DACH1: variants seen among roughly 807,000 people sequenced by gnomAD.
DACH1 encodes dachshund family transcription factor 1.
In DACH1, 12 loss-of-function variants were observed where a neutral mutation model predicts 54.2. The observed-to-expected ratio is 0.22, with a 90% CI of 0.14 to 0.36. DACH1 has a LOEUF of 0.36. Ranked by LOEUF, DACH1 falls within the 10% of genes least tolerant of loss-of-function variation. DACH1 has a pLI of 1.00. For missense variants in DACH1, 805 were observed against 929.8 expected (o/e 0.87, Z 1.75); for synonymous variants, 386 against 366.2 (o/e 1.05, Z -0.62).
intron 1 of DACH1, among the ~76,000 whole-genome samples, chr13:71,830,433 T>C (rs922824961): frequency 1.3e-5 from 2 of 151,880 alleles, no homozygotes; most frequent in African/African-American, 4.8e-5. Flanking sequence ...ATATTGATCA[T>C]TTCCAGTTTC....
intron 3 of DACH1, among the ~76,000 whole-genome samples, chr13:71,622,849 T>C (rs2150484): frequency 0.15 from 22,019 of 151,748 alleles, 3,697 homozygotes; most frequent in African/African-American, 0.4. Flanking sequence ...AGGTTTACTC[T>C]ATTATCTAGT....
chr13:71,465,664 A>G lies in DACH1; in HGVS notation c.2083+9477T>C, dbSNP rs578092799. Reference sequence around the variant, plus strand: ...TGAACCATCATTTTTTTCACTTGATAATAAAGGTTAAAAAAACTCAAAGCA... The same window carrying G: ...TGAACCATCATTTTTTTCACTTGATGATAAAGGTTAAAAAAACTCAAAGCA... On this transcript the variant is annotated intron_variant, in intron 10 of 10. Transcript: ENST00000613252. Among the ~76,000 whole-genome samples, 347 of 152,256 alleles carry G rather than the reference A, an allele frequency of 2.3e-3. 2 individuals carry two copies. The highest frequency in any genetic ancestry group is 3.4e-3 in the Non-Finnish European group (233 of 67,968).
chr13:71,655,579 C>T lies in DACH1; in HGVS notation c.965-24862G>A, dbSNP rs113553321. ...AGAGACAGGGTTTCTCCATGTTGGT[C>T]AGGCTGGTCTCGAACTCCCGACCTC... On this transcript the variant is annotated intron_variant, in intron 2 of 10. Coordinates refer to ENST00000613252, the MANE Select transcript of DACH1 (RefSeq NM_080759.6). 2.1e-4 allele frequency among the ~76,000 whole-genome samples: 32 copies of T among 152,088 alleles called. 1 individual carries two copies. Among genetic ancestry groups the T allele is most frequent in the African/African-American group, 7.5e-4 (31 of 41,502 alleles).
intron 6 of DACH1, among the ~76,000 whole-genome samples, chr13:71,528,329 A>G (rs1403018906): frequency 6.6e-6 from 1 of 152,126 alleles, no homozygotes; most frequent in Non-Finnish European, 1.5e-5. Context: ...TCACCTATTT[A>G]CAGGTTAATT....
chr13:71,579,408 C>T (rs568848476), intron 3 of DACH1, among the ~76,000 whole-genome samples: 16 of 152,124 alleles, frequency 1.1e-4, no homozygotes, highest in South Asian at 6.2e-4. Context: ...TTCTTTACTA[C>T]GGCCAATGAT....
intron 6 of DACH1, among the ~76,000 whole-genome samples, chr13:71,513,631 T>C (rs988892782): frequency 7.9e-5 from 12 of 152,186 alleles, no homozygotes; most frequent in African/African-American, 2.6e-4. Context: ...CTCTTTGCCA[T>C]TTCAAAGTAA....
intron 2 of DACH1, among the ~76,000 whole-genome samples, chr13:71,651,656 A>ATGTATC (rs57754864): frequency 1.5e-3 from 217 of 147,034 alleles, no homozygotes; most frequent in African/African-American, 4.6e-3. Flanking sequence ...ATGCATGTAT[A>ATGTATC]TGTATCTGTA....
chr13:71,569,210 T>A (rs1885059262), intron 4 of DACH1, among the ~76,000 whole-genome samples: 1 of 152,076 alleles, frequency 6.6e-6, no homozygotes, highest in South Asian at 2.1e-4. Context: ...TGTTTGAGAG[T>A]TTAGTTTGAG....
intron 3 of DACH1, among the ~76,000 whole-genome samples, chr13:71,577,349 G>A (rs1349913903): frequency 6.6e-6 from 1 of 152,168 alleles, no homozygotes; most frequent in African/African-American, 2.4e-5. Flanking sequence ...GACCTTCTCA[G>A]TGAGGAAGCA....
At chr13:71,446,801 A>T (rs1874509192) in intron 10 of DACH1, among the ~76,000 whole-genome samples, 1 of 152,208 alleles carries the variant, frequency 6.6e-6, no homozygotes, top group Admixed American at 6.5e-5. Context: ...CAAAGCCTCA[A>T]TTGGTCAAAC....
At chr13:71,441,986 A>G (rs1874045676) in intron 10 of DACH1, among the ~76,000 whole-genome samples, 1 of 152,084 alleles carries the variant, frequency 6.6e-6, no homozygotes, top group Non-Finnish European at 1.5e-5. Context: ...ATGCATAATA[A>G]TCACATCTGG....
At chr13:71,556,894 T>C in intron 6 of DACH1, 130 bp downstream of exon 6, 1 of 961,218 alleles carries the variant, frequency 1.0e-6, no homozygotes, top group Non-Finnish European at 1.5e-6. Flanking sequence ...GTACTTAATA[T>C]TGTGGATTTT....
chr13:71,561,534 G>A (rs578218957), intron 4 of DACH1, among the ~76,000 whole-genome samples: 1 of 152,262 alleles, frequency 6.6e-6, no homozygotes, highest in Admixed American at 6.5e-5. Flanking sequence ...AGAAGCTATA[G>A]AAAGCGAAGG....
At chr13:71,496,306 T>TATATACAC (rs1217159359) in intron 6 of DACH1, among the ~76,000 whole-genome samples, 19 of 46,100 alleles carry the variant, frequency 4.1e-4, no homozygotes, top group South Asian at 1.2e-3. Context: ...TATATATATA[T>TATATACAC]ACACACACAA....
intron 1 of DACH1, among the ~76,000 whole-genome samples, 162 bp from the exon 2 acceptor site, chr13:71,682,072 C>A (rs1025669531): frequency 6.6e-6 from 1 of 152,188 alleles, no homozygotes; most frequent in Non-Finnish European, 1.5e-5. Flanking sequence ...AGATTACATG[C>A]TGAATTCATT....
intron 1 of DACH1, among the ~76,000 whole-genome samples, chr13:71,688,036 A>G (rs1452859856): frequency 6.6e-6 from 1 of 152,222 alleles, no homozygotes; most frequent in Non-Finnish European, 1.5e-5. Context: ...TATCTCATAT[A>G]ATTAACCACA....
intron 6 of DACH1, among the ~76,000 whole-genome samples, chr13:71,506,077 A>G (rs992743562): frequency 1.3e-5 from 2 of 152,132 alleles, no homozygotes; most frequent in African/African-American, 4.8e-5. Context: ...ACTAAAATGA[A>G]ATAAATAAAA....
chr13:71,698,085 C>T (rs968725544), intron 1 of DACH1, among the ~76,000 whole-genome samples: 20 of 151,926 alleles, frequency 1.3e-4, no homozygotes, highest in South Asian at 6.2e-4. Context: ...ATGTAAAAGA[C>T]GGATAATTAT....
intron 6 of DACH1, among the ~76,000 whole-genome samples, chr13:71,547,277 C>G (rs1883522897): frequency 6.6e-6 from 1 of 151,992 alleles, no homozygotes; most frequent in East Asian, 1.9e-4. Flanking sequence ...CAGCCCAAGA[C>G]CTTTGGTGCA....
Sources: gnomAD v4.1 joint callset for allele counts (sites outside exome capture counted in the v4.1 genomes callset) on GRCh38, gnomAD v4.1.1 for gene constraint, MANE v1.5 for transcripts, NCBI Gene and HGNC (gene_info 2026-07-23, HGNC 2026-07-21) for gene names.